DOCK10: variants seen among roughly 807,000 people sequenced by gnomAD.
DOCK10 encodes the protein dedicator of cytokinesis 10.
Under a neutral mutation model 280.1 loss-of-function variants are expected in DOCK10, and 145 were observed. That is an observed-to-expected ratio of 0.52 (90% confidence interval 0.45 to 0.59). DOCK10 has a LOEUF of 0.59. DOCK10 is among the 20% of genes least tolerant of loss of function. The probability of loss-of-function intolerance (pLI) is 0.00; values close to 1 mark genes in which losing one functional copy is unlikely to be tolerated. For missense variants in DOCK10, 2,368 were observed against 2,651.7 expected (o/e 0.89, Z 2.35); for synonymous variants, 915 against 942.2 (o/e 0.97, Z 0.53).
chr2:224,882,512 C>T (rs1699034498), intron 7 of DOCK10, among the ~76,000 whole-genome samples: 1 of 152,110 alleles, frequency 6.6e-6, no homozygotes, highest in South Asian at 2.1e-4. Context: ...CTACTTGAGC[C>T]ACCCTTGTAA....
Position 224,828,827 on chromosome 2 carries a change from G to T in DOCK10, c.3036+1714C>A, listed in dbSNP as rs199572033. Among the ~76,000 whole-genome samples, 8 of 152,146 alleles carry T rather than the reference G, an allele frequency of 5.3e-5. No homozygotes were observed. In the East Asian group the frequency reaches 1.5e-3, roughly 29 times the overall value. The stretch of plus-strand genomic sequence containing the variant: ...GTTAATGATGACTGGAACTCCTAGG[G>T]ACAAAACAGAGAGCAACCAACAATG... On this transcript the variant is annotated intron_variant, in intron 27 of 55. Transcript: ENST00000258390.
Position 225,032,057 on chromosome 2 carries a change from A to T in DOCK10, c.123+10195T>A, listed in dbSNP as rs1426844356. On this transcript the variant is annotated intron_variant, in intron 1 of 55. Transcript: ENST00000258390. ...ATTGGGATCAAGTCTTCCAGGTGCT[A>T]AAATCAGATATCTTAATCAATAATC... is the stretch of plus-strand genomic sequence containing the variant. 2.0e-5 allele frequency among the ~76,000 whole-genome samples: 3 copies of T among 152,238 alleles called. No individual in the cohort carries two copies. The East Asian group carries it at 5.8e-4, about 29-fold the overall frequency.
At chr2:224,847,079 G>A (rs922772447) in intron 19 of DOCK10, among the ~76,000 whole-genome samples, 13 of 152,192 alleles carry the variant, frequency 8.5e-5, no homozygotes, top group Non-Finnish European at 1.6e-4. Flanking sequence ...CCATGCCGTA[G>A]CTATACAAAT....
At chr2:224,769,160 C>A (rs1284213921) in intron 55 of DOCK10, among the ~76,000 whole-genome samples, 1 of 152,150 alleles carries the variant, frequency 6.6e-6, no homozygotes, top group African/African-American at 2.4e-5. Flanking sequence ...TAGCCTAAAC[C>A]AATACTACCT....
chr2:224,787,457 A>G (rs1269871057), intron 48 of DOCK10, 60 bp from the exon 49 acceptor site: 4 of 1,596,456 alleles, frequency 2.5e-6, no homozygotes, highest in Non-Finnish European at 3.4e-6. Flanking sequence ...TCATGCCTGA[A>G]ACTTGGTTTC....
chr2:224,882,878 C>T (rs1699055959), intron 7 of DOCK10, among the ~76,000 whole-genome samples: 1 of 152,188 alleles, frequency 6.6e-6, no homozygotes, highest in Non-Finnish European at 1.5e-5. Context: ...GATGTAAAAA[C>T]TTACACATCT....
At chr2:224,804,236 A>G in intron 38 of DOCK10, 23 bp from the exon 39 acceptor site, 1 of 1,429,294 alleles carries the variant, frequency 7.0e-7, no homozygotes, top group Non-Finnish European at 9.8e-7. Flanking sequence ...TGGAAGTTTT[A>G]ATCATAGCTC....
In DOCK10 at chr2:224,847,524, T is replaced by G. The variant is rs73079838; in HGVS notation, c.2236-1882A>C. Among the ~76,000 whole-genome samples the G allele has an allele frequency of 4.7e-3, 722 of 152,312 alleles. 2 individuals are homozygous for G. The highest frequency in any genetic ancestry group is 0.016 in the African/African-American group (681 of 41,560). ...GAGGCTTCCAGGAAACACATGAGAA[T>G]GAGAAAGATTAAAACAGTTAACAAC... On this transcript the variant is annotated intron_variant, in intron 19 of 55. Transcript: ENST00000258390.
At chr2:225,016,402 A>G (rs934851112) in intron 1 of DOCK10, among the ~76,000 whole-genome samples, 4 of 151,814 alleles carry the variant, frequency 2.6e-5, no homozygotes, top group Admixed American at 2.0e-4. Context: ...TGATGTTCTT[A>G]TATGAGTAAG....
rs572570292 is a variant in DOCK10 at position 224,784,822 on chromosome 2, T to C, written c.5655+2200A>G. On this transcript the variant is annotated intron_variant, in intron 50 of 55. Transcript: ENST00000258390. ...TTTGAAAAGCAGCGTGATTCACTTCTACCTGCTTTAGAGCCCATATCTCAT... is the reference window on the plus strand; with the variant it reads ...TTTGAAAAGCAGCGTGATTCACTTCCACCTGCTTTAGAGCCCATATCTCAT... 8.1e-5 allele frequency: 99 copies of C among 1,225,110 alleles called. 1 individual carries two copies. The African/African-American group carries it at 1.2e-3, about 15-fold the overall frequency. 75.9% of individuals were successfully genotyped at this position (1,225,110 alleles called of 1,614,324 possible). A position where few individuals can be genotyped will look rare whatever the true frequency, so the allele number is the denominator to read the frequency against.
intron 48 of DOCK10, among the ~76,000 whole-genome samples, chr2:224,788,178 C>T (rs1166274197): frequency 6.6e-6 from 1 of 152,104 alleles, no homozygotes; most frequent in Non-Finnish European, 1.5e-5. Flanking sequence ...GGCCATTCCC[C>T]ACCCTGTAGG....
chr2:224,930,217 AAAG>A (rs199685571), intron 2 of DOCK10, among the ~76,000 whole-genome samples: 37,853 of 134,938 alleles, frequency 0.28, 5,458 homozygotes, highest in Non-Finnish European at 0.32. Context: ...AAAAAAAAAA[AAAG>A]AAAGAAAGAA....
chr2:224,896,848 TCC>T (rs1230185223), intron 3 of DOCK10, among the ~76,000 whole-genome samples: 6 of 152,258 alleles, frequency 3.9e-5, no homozygotes. Context: ...GCTTGCTCTT[TCC>T]AATCATTTTC....
intron 1 of DOCK10, among the ~76,000 whole-genome samples, chr2:224,956,792 A>T (rs145869960): frequency 9.9e-4 from 151 of 152,176 alleles, no homozygotes; most frequent in African/African-American, 3.5e-3. Flanking sequence ...CCCAACACAA[A>T]CTATTTTTAT....
Position 224,906,700 on chromosome 2 carries a change from T to C in DOCK10, c.333+9995A>G, listed in dbSNP as rs565029153. ...TTCACCATATTAGCCAGGATGGTCT[T>C]GATCTCCTGACCTGGTGATCCGCCC... On this transcript the variant is annotated intron_variant, in intron 3 of 55. Transcript: ENST00000258390. Among the ~76,000 whole-genome samples, 18 of 152,322 alleles carry C rather than the reference T, an allele frequency of 1.2e-4. No individual in the cohort carries two copies. In the South Asian group the frequency reaches 2.9e-3, roughly 25 times the overall value.
chr2:224,797,810 A>C (rs903495885), intron 42 of DOCK10, 22 bp downstream of exon 42: 13 of 1,607,404 alleles, frequency 8.1e-6, no homozygotes, highest in African/African-American at 2.7e-5. Flanking sequence ...CCTAAACTTC[A>C]TTGAAACCTG....
intron 3 of DOCK10, among the ~76,000 whole-genome samples, chr2:224,907,678 A>C (rs1042684938): frequency 1.8e-5 from 2 of 113,672 alleles, no homozygotes; most frequent in Admixed American, 9.0e-5. Flanking sequence ...ACAGAGCGAG[A>C]CTCCACCTCA....
chr2:224,839,923 G>C, intron 24 of DOCK10, 31 bp downstream of exon 24: 1 of 969,362 alleles, frequency 1.0e-6, no homozygotes, highest in Non-Finnish European at 1.6e-6. Context: ...ACATTATAAA[G>C]TCTCTCCTCT....
intron 3 of DOCK10, among the ~76,000 whole-genome samples, chr2:224,908,516 C>CAG (rs976338869): frequency 5.3e-5 from 8 of 151,520 alleles, no homozygotes; most frequent in Non-Finnish European, 7.4e-5. Context: ...TTTCTACGGA[C>CAG]AGAGTCTCAC....
Sources: allele counts gnomAD v4.1 joint callset (sites outside exome capture counted in the v4.1 genomes callset), GRCh38; gene constraint gnomAD v4.1.1; transcripts MANE v1.5; gene names NCBI Gene and HGNC (gene_info 2026-07-23, HGNC 2026-07-21).